TCF12: variants seen among roughly 807,000 people sequenced by gnomAD.
TCF12 encodes the protein DNA-binding protein HTF4.
In TCF12, 45 loss-of-function variants were observed where a neutral mutation model predicts 86.0. That is an observed-to-expected ratio of 0.52 (90% confidence interval 0.41 to 0.67). The LOEUF (loss-of-function observed/expected upper bound fraction) is 0.67, where lower values mean the gene tolerates loss of function less well. Ranked by LOEUF, TCF12 falls within the 30% of genes least tolerant of loss-of-function variation. TCF12 has a pLI of 0.00. For synonymous variants in TCF12, 330 were observed against 299.6 expected (o/e 1.10, Z -1.05); for missense variants, 881 against 859.9 (o/e 1.02, Z -0.31).
At chr15:57,160,852 G>GTT (rs397796528) in intron 5 of TCF12, among the ~76,000 whole-genome samples, 5 of 147,304 alleles carry the variant, frequency 3.4e-5, no homozygotes, top group East Asian at 4.0e-4. Flanking sequence ...GCCCAGCTAA[G>GTT]TTTTTTTTTT....
chr15:57,233,403 C>G (rs1434942207), intron 11 of TCF12, among the ~76,000 whole-genome samples: 1 of 151,936 alleles, frequency 6.6e-6, no homozygotes, highest in Non-Finnish European at 1.5e-5. Flanking sequence ...GTCTGAAACT[C>G]CTGGCCTCTA....
chr15:56,984,756 A>T (rs1197855563), intron 3 of TCF12, among the ~76,000 whole-genome samples: 38 of 152,168 alleles, frequency 2.5e-4, no homozygotes, highest in Admixed American at 2.5e-3. Context: ...AGGTAATAGG[A>T]GTTCAGGTAA....
chr15:57,233,778 T>C (rs1045068731), intron 11 of TCF12, among the ~76,000 whole-genome samples: 13 of 152,182 alleles, frequency 8.5e-5, no homozygotes, highest in Non-Finnish European at 1.0e-4. Flanking sequence ...CGCCTGGCCT[T>C]GGCCCCTCTT....
chr15:57,090,941 G>A (rs2951898), intron 4 of TCF12, among the ~76,000 whole-genome samples: 86,481 of 152,016 alleles, frequency 0.57, 24,833 homozygotes, highest in Admixed American at 0.61. Context: ...GTTTCATCAC[G>A]TAGTAATTTT....
At chr15:57,090,981 T>C (rs559955696) in intron 4 of TCF12, among the ~76,000 whole-genome samples, 1 of 152,344 alleles carries the variant, frequency 6.6e-6, no homozygotes, top group South Asian at 2.1e-4. Context: ...GTAAACTTTA[T>C]CTTTTTTCCC....
intron 3 of TCF12, among the ~76,000 whole-genome samples, chr15:56,979,563 C>G (rs1333957804): frequency 1.3e-5 from 2 of 152,042 alleles, no homozygotes; most frequent in African/African-American, 4.8e-5. Flanking sequence ...TTTTAGGAAG[C>G]AGAATGTGTC....
At chr15:57,252,664 G>A (rs1408439911) in intron 15 of TCF12, among the ~76,000 whole-genome samples, 172 bp downstream of exon 15, 1 of 152,116 alleles carries the variant, frequency 6.6e-6, no homozygotes, top group Non-Finnish European at 1.5e-5. Context: ...GTTGTTGAAA[G>A]TGATCCTTTT....
chr15:57,278,621 C>CT (rs2061513136), intron 19 of TCF12: 1 of 213,322 alleles, frequency 4.7e-6, no homozygotes, highest in East Asian at 1.1e-4. Context: ...GGTGGCACAT[C>CT]TCACACACAC....
At chr15:56,932,947 A>C (rs1595733883) in intron 3 of TCF12, among the ~76,000 whole-genome samples, 1 of 152,234 alleles carries the variant, frequency 6.6e-6, no homozygotes. Flanking sequence ...TTAAATATAA[A>C]TAGCTACAAC....
intron 3 of TCF12, among the ~76,000 whole-genome samples, chr15:56,996,608 A>T (rs1224865625): frequency 6.6e-6 from 1 of 152,232 alleles, no homozygotes; most frequent in African/African-American, 2.4e-5. Context: ...AGTCCTCAAA[A>T]GCAGTTGGCA....
At chr15:57,248,641 T>C (rs1193251951) in intron 13 of TCF12, among the ~76,000 whole-genome samples, 1 of 152,252 alleles carries the variant, frequency 6.6e-6, no homozygotes, top group African/African-American at 2.4e-5. Flanking sequence ...ACCTGTCAGA[T>C]TGCCTGGTGT....
At chr15:56,954,456 A>T (rs1403272296) in intron 3 of TCF12, among the ~76,000 whole-genome samples, 2 of 152,214 alleles carry the variant, frequency 1.3e-5, no homozygotes, top group African/African-American at 4.8e-5. Flanking sequence ...TAGACCTAAA[A>T]CCATAAAAAT....
At chr15:57,138,001 C>G (rs2052677482) in intron 5 of TCF12, among the ~76,000 whole-genome samples, 1 of 151,896 alleles carries the variant, frequency 6.6e-6, no homozygotes, top group South Asian at 2.1e-4. Flanking sequence ...TGCACTCCAG[C>G]CTGGCTGACA....
intron 3 of TCF12, among the ~76,000 whole-genome samples, chr15:57,032,560 C>A (rs1440871527): frequency 6.6e-6 from 1 of 152,160 alleles, no homozygotes; most frequent in Non-Finnish European, 1.5e-5. Flanking sequence ...TCCAGAGTAG[C>A]TGGGACTACA....
At chr15:56,974,860 GGT>G in intron 3 of TCF12, among the ~76,000 whole-genome samples, 1 of 151,938 alleles carries the variant, frequency 6.6e-6, no homozygotes, top group South Asian at 2.1e-4. Flanking sequence ...TTTTATCATT[GGT>G]TAAATTTGTG....
chr15:57,102,113 G>A (rs1725099613), intron 5 of TCF12, among the ~76,000 whole-genome samples: 1 of 148,436 alleles, frequency 6.7e-6, no homozygotes, highest in South Asian at 2.1e-4. Context: ...TATCAACTAA[G>A]CCATAAACAT....
chr15:57,098,928 G>A (rs891128483), intron 5 of TCF12, among the ~76,000 whole-genome samples: 7 of 152,144 alleles, frequency 4.6e-5, no homozygotes, highest in Non-Finnish European at 1.0e-4. Context: ...TTGGGCCAAG[G>A]AGAGTGGATG....
intron 3 of TCF12, among the ~76,000 whole-genome samples, chr15:56,924,333 T>A (rs2059914042): frequency 6.6e-6 from 1 of 152,194 alleles, no homozygotes; most frequent in African/African-American, 2.4e-5. Flanking sequence ...TGCATCCACT[T>A]TTCAAGTAAT....
At chr15:57,019,410 G>A (rs532202414) in intron 3 of TCF12, among the ~76,000 whole-genome samples, 1 of 152,282 alleles carries the variant, frequency 6.6e-6, no homozygotes, top group East Asian at 1.9e-4. Context: ...TAAAGAAAGA[G>A]TTTAATGCAG....
Sources: allele counts gnomAD v4.1 joint callset (sites outside exome capture counted in the v4.1 genomes callset), GRCh38; gene constraint gnomAD v4.1.1; transcripts MANE v1.5; gene names NCBI Gene and HGNC (gene_info 2026-07-23, HGNC 2026-07-21).